Variants in RFX3 observed in about 807,000 individuals in gnomAD.
RFX3 encodes transcription factor RFX3.
A neutral mutation model predicts 98.6 loss-of-function variants in RFX3; 14 were observed. That is an observed-to-expected ratio of 0.14 (90% CI 0.09 to 0.22). The LOEUF (loss-of-function observed/expected upper bound fraction) is 0.22, where lower values mean the gene tolerates loss of function less well. Among genes scored for constraint, RFX3 ranks in the 10% least tolerant of loss-of-function variants. The pLI is 1.00. For missense variants in RFX3, 639 were observed against 926.9 expected, an observed-to-expected ratio of 0.69 and a Z score of 4.03; for synonymous variants, 383 against 328.4, an observed-to-expected ratio of 1.17 and a Z score of -1.80.
At chr9:3,364,020 T>A (rs1193421449) in intron 2 of RFX3, among the ~76,000 whole-genome samples, 1 of 152,116 alleles carries the variant, frequency 6.6e-6, no homozygotes, top group Non-Finnish European at 1.5e-5. Flanking sequence ...GGACCACAGG[T>A]GTGTGCTGCC....
At chr9:3,305,309 G>C (rs530347766) in intron 4 of RFX3, among the ~76,000 whole-genome samples, 1 of 152,146 alleles carries the variant, frequency 6.6e-6, no homozygotes, top group African/African-American at 2.4e-5. Flanking sequence ...TTAAGGTTTT[G>C]AGGAAAGTGT....
intron 15 of RFX3, chr9:3,247,577 GT>G: frequency 8.2e-7 from 1 of 1,222,398 alleles, no homozygotes; most frequent in Non-Finnish European, 1.0e-6. Context: ...TCCAAAAAAT[GT>G]TAGTTATCAT....
At chr9:3,338,323 T>A (rs1390145537) in intron 3 of RFX3, among the ~76,000 whole-genome samples, 2 of 152,260 alleles carry the variant, frequency 1.3e-5, no homozygotes, top group East Asian at 1.9e-4. Context: ...CAGCCATTGC[T>A]ACAGCTACTG....
chr9:3,433,073 G>T (rs183241077), intron 1 of RFX3, among the ~76,000 whole-genome samples: 1 of 152,014 alleles, frequency 6.6e-6, no homozygotes, highest in African/African-American at 2.4e-5. Context: ...TGCAGAAGCC[G>T]AGTATACAAA....
At chr9:3,260,157 G>C (rs985504900) in intron 13 of RFX3, among the ~76,000 whole-genome samples, 2 of 152,078 alleles carry the variant, frequency 1.3e-5, no homozygotes, top group Non-Finnish European at 2.9e-5. Flanking sequence ...AGGGGGAAAT[G>C]AAGGGCTCAC....
At chr9:3,499,207 T>C (rs1182942748) in intron 1 of RFX3, among the ~76,000 whole-genome samples, 1 of 152,098 alleles carries the variant, frequency 6.6e-6, no homozygotes, top group Non-Finnish European at 1.5e-5. Context: ...ATAATGGATA[T>C]AAATGAACTG....
chr9:3,445,698 G>C (rs1269485515), intron 1 of RFX3, among the ~76,000 whole-genome samples: 5 of 151,924 alleles, frequency 3.3e-5, no homozygotes, highest in African/African-American at 1.2e-4. Flanking sequence ...TAATTCCTTA[G>C]AGGCAAAGTG....
intron 1 of RFX3, among the ~76,000 whole-genome samples, chr9:3,437,059 T>C (rs1334863669): frequency 6.6e-6 from 1 of 152,090 alleles, no homozygotes; most frequent in Non-Finnish European, 1.5e-5. Context: ...TATCCATTAT[T>C]TTCCAAGCAG....
At chr9:3,424,476 C>T (rs1371235712) in intron 1 of RFX3, among the ~76,000 whole-genome samples, 3 of 149,846 alleles carry the variant, frequency 2.0e-5, no homozygotes, top group African/African-American at 7.4e-5. Context: ...ATTCTCCTGC[C>T]TCAGCCTCCC....
rs1368150198 is a variant in RFX3, at chr9:3,427,234, T to C, written c.-8-31638A>G. On this transcript the variant is annotated intron_variant, in intron 1 of 16. Coordinates refer to ENST00000617270, the MANE Select transcript of RFX3 (RefSeq NM_001282116.2). ...ATAATAAATATATAATACAATATAATATATAAATAAAATATATATATAATA... is the reference window on the plus strand; with the variant it reads ...ATAATAAATATATAATACAATATAACATATAAATAAAATATATATATAATA... Among the ~76,000 whole-genome samples the C allele has an allele frequency of 2.1e-5, 3 of 144,730 alleles. No homozygotes were observed. The East Asian group carries it at 5.9e-4, about 28-fold the overall frequency. The allele number at this position is 144,730 out of a possible 152,430, so 94.9% of individuals were successfully genotyped here.
chr9:3,425,047 G>T (rs1843876098), intron 1 of RFX3, among the ~76,000 whole-genome samples: 1 of 152,078 alleles, frequency 6.6e-6, no homozygotes, highest in African/African-American at 2.4e-5. Flanking sequence ...CTGGGCAACA[G>T]GCAAAACCCT....
intron 2 of RFX3, among the ~76,000 whole-genome samples, chr9:3,350,490 G>C (rs1834978050): frequency 6.6e-6 from 1 of 152,076 alleles, no homozygotes; most frequent in Non-Finnish European, 1.5e-5. Context: ...GTAGACACTT[G>C]GGAAGGCACG....
chr9:3,278,663 G>C (rs1825544863), intron 7 of RFX3, among the ~76,000 whole-genome samples: 1 of 151,746 alleles, frequency 6.6e-6, no homozygotes, highest in Admixed American at 6.6e-5. Flanking sequence ...ACAAACTAAT[G>C]CTCAGCTTGC....
chr9:3,458,119 G>C (rs1420147623), intron 1 of RFX3, among the ~76,000 whole-genome samples: 1 of 152,150 alleles, frequency 6.6e-6, no homozygotes, highest in South Asian at 2.1e-4. Context: ...TTTTCATGCA[G>C]GAATGATGGG....
intron 2 of RFX3, among the ~76,000 whole-genome samples, chr9:3,380,271 G>A (rs1839038317): frequency 6.6e-6 from 1 of 152,112 alleles, no homozygotes; most frequent in Non-Finnish European, 1.5e-5. Context: ...AACTAAGACT[G>A]GTGGTACCCT....
intron 1 of RFX3, among the ~76,000 whole-genome samples, chr9:3,482,643 T>G (rs1849875834): frequency 6.6e-6 from 1 of 152,200 alleles, no homozygotes; most frequent in South Asian, 2.1e-4. Context: ...GATTTACATT[T>G]TATTCCTTTT....
chr9:3,481,773 T>C (rs1316714880), intron 1 of RFX3, among the ~76,000 whole-genome samples: 2 of 152,042 alleles, frequency 1.3e-5, no homozygotes, highest in Non-Finnish European at 2.9e-5. Flanking sequence ...AAAAGAAATA[T>C]GAACAGCTAA....
intron 1 of RFX3, among the ~76,000 whole-genome samples, chr9:3,462,270 A>C (rs1021577175): frequency 6.6e-6 from 1 of 152,088 alleles, no homozygotes; most frequent in African/African-American, 2.4e-5. Flanking sequence ...AGGTTGCTTT[A>C]TCATTAGAAT....
intron 9 of RFX3, among the ~76,000 whole-genome samples, chr9:3,271,740 T>C (rs1824508397): frequency 6.6e-6 from 1 of 152,144 alleles, no homozygotes; most frequent in Non-Finnish European, 1.5e-5. Flanking sequence ...GGAGTTGCTT[T>C]TGTGTGGCAG....
Sources: allele counts gnomAD v4.1 joint callset (sites outside exome capture counted in the v4.1 genomes callset), GRCh38; gene constraint gnomAD v4.1.1; transcripts MANE v1.5; gene names NCBI Gene and HGNC (gene_info 2026-07-23, HGNC 2026-07-21).